TRAPPC10: variants seen among roughly 807,000 people sequenced by gnomAD.
TRAPPC10 encodes the protein trafficking protein particle complex subunit 10.
TRAPPC10 carries 23 observed loss-of-function variants against 125.5 expected under a neutral mutation model. That is an observed-to-expected ratio of 0.18 (90% CI 0.13 to 0.26). TRAPPC10 has a LOEUF of 0.26. TRAPPC10 is among the 10% of genes least tolerant of loss of function. The probability of loss-of-function intolerance (pLI) is 1.00; values close to 1 mark genes in which losing one functional copy is unlikely to be tolerated. For missense variants in TRAPPC10, 1,123 were observed against 1,308.4 expected, an observed-to-expected ratio of 0.86 and a Z score of 2.19; for synonymous variants, 509 against 518.0, an observed-to-expected ratio of 0.98 and a Z score of 0.24.
chr21:44,022,769 T>C (rs1248170543), intron 1 of TRAPPC10, among the ~76,000 whole-genome samples: 1 of 152,058 alleles, frequency 6.6e-6, no homozygotes, highest in African/African-American at 2.4e-5. Flanking sequence ...TCTCTTTTTT[T>C]TTCTTTATAA....
At chr21:44,041,662 A>G (rs1168272592) in intron 3 of TRAPPC10, among the ~76,000 whole-genome samples, 1 of 152,124 alleles carries the variant, frequency 6.6e-6, no homozygotes, top group Non-Finnish European at 1.5e-5. Flanking sequence ...GTGAGCCACC[A>G]CGCCCAGCTT....
rs1321319885 is a variant in TRAPPC10 at position 44,043,226 on chromosome 21, TTTTTTGGGATGGAGTC to T, written c.285+5302_285+5317del. Among the ~76,000 whole-genome samples the T allele has an allele frequency of 3.3e-4, 49 of 148,000 alleles. 1 individual carries two copies. Among genetic ancestry groups the T allele is most frequent in the African/African-American group, 1.2e-3 (46 of 39,848 alleles). The stretch of plus-strand genomic sequence containing the variant: ...TTATTACGCTTTTTTTTTTTTTTTT[TTTTTTGGGATGGAGTC>T]TTACCCTGTTGCCCAGGCTGGAGTG... On this transcript the variant is annotated intron_variant, in intron 3 of 22. Coordinates refer to ENST00000291574, the MANE Select transcript of TRAPPC10 (RefSeq NM_003274.5).
chr21:44,032,062 G>T (rs1343310252), intron 1 of TRAPPC10, 29 bp from the exon 2 acceptor site: 1 of 1,579,674 alleles, frequency 6.3e-7, no homozygotes, highest in Admixed American at 1.7e-5. Context: ...TAAAAATATG[G>T]TAACTGAATT....
At chr21:44,080,770 C>T (rs1300116581) in intron 13 of TRAPPC10, among the ~76,000 whole-genome samples, 1 of 151,972 alleles carries the variant, frequency 6.6e-6, no homozygotes, top group African/African-American at 2.4e-5. Context: ...GACTCCTGAC[C>T]TCAGGTGATC....
chr21:44,059,055 A>G lies in TRAPPC10; in HGVS notation c.679-48A>G, dbSNP rs747750067. 4 of 1,447,382 alleles carry G rather than the reference A, an allele frequency of 2.8e-6. No homozygotes were observed. The highest frequency in any genetic ancestry group is 2.6e-5 in the South Asian group (2 of 77,104). The allele number at this position is 1,447,382 out of a possible 1,614,324, so 89.7% of individuals were successfully genotyped here. On this transcript the variant is annotated intron_variant, in intron 5 of 22. Coordinates refer to ENST00000291574, the MANE Select transcript of TRAPPC10 (RefSeq NM_003274.5). The surrounding 1 kb of genome is among the most constrained non-coding windows in gnomAD (Gnocchi z 4.4). ...TGGCTACATACTGTTTCTTCTATAC[A>G]TTGATTTATGTTTTTGTTTTTTTAA... is the stretch of plus-strand genomic sequence containing the variant.
chr21:44,065,064 C>T (rs1478498107), intron 7 of TRAPPC10, among the ~76,000 whole-genome samples: 2 of 152,140 alleles, frequency 1.3e-5, no homozygotes, highest in African/African-American at 4.8e-5. Flanking sequence ...CTAGGGATTT[C>T]ACCTGATGTT....
At position 44,032,285 on chromosome 21, in the gene TRAPPC10, A is replaced by G. The variant is rs983142139; in HGVS notation, c.149+113A>G. On this transcript the variant is annotated intron_variant, in intron 2 of 22. Coordinates refer to ENST00000291574, the MANE Select transcript of TRAPPC10 (RefSeq NM_003274.5). ...CATTTATGTGAACAAGTGAAGTAGC[A>G]CAAGTTAAAAGCCTCAGTTCTAAAG... is the stretch of plus-strand genomic sequence containing the variant. 6 of 804,892 alleles carry G rather than the reference A, an allele frequency of 7.5e-6. 1 individual carries two copies. The highest frequency in any genetic ancestry group is 5.4e-5 in the South Asian group (3 of 55,084). 49.9% of individuals were successfully genotyped at this position (804,892 alleles called of 1,614,324 possible). A position where few individuals can be genotyped will look rare whatever the true frequency, so the allele number is the denominator to read the frequency against.
At chr21:44,014,719 C>T (rs1453911676) in intron 1 of TRAPPC10, among the ~76,000 whole-genome samples, 1 of 151,982 alleles carries the variant, frequency 6.6e-6, no homozygotes, top group Admixed American at 6.6e-5. Flanking sequence ...TGAGCCCCCA[C>T]CCTTGGCCTC....
chr21:44,047,591 A>G lies in TRAPPC10; in HGVS notation c.286-4689A>G, dbSNP rs987917194. 2.3e-4 allele frequency among the ~76,000 whole-genome samples: 33 copies of G among 141,134 alleles called. 1 individual carries two copies. Among genetic ancestry groups the G allele is most frequent in the Admixed American group, 1.9e-3 (27 of 14,034 alleles). The allele number at this position is 141,134 out of a possible 152,430, so 92.6% of individuals were successfully genotyped here. ...GCGCGCACACGCTACATGAAGTTCC[A>G]TAACTCACTGATAATCTGTTGATAT... On this transcript the variant is annotated intron_variant, in intron 3 of 22. Transcript: ENST00000291574.
At chr21:44,035,566 A>G (rs55956418) in intron 2 of TRAPPC10, among the ~76,000 whole-genome samples, 11,247 of 152,102 alleles carry the variant, frequency 0.074, 530 homozygotes, top group Non-Finnish European at 0.1. Context: ...AGGCGGGTAG[A>G]TTGGAGTTTA....
chr21:44,055,780 T>G lies in TRAPPC10; in HGVS notation c.565T>G (p.Leu189Val). The G allele has an allele frequency of 6.2e-7, 1 of 1,613,980 alleles. No homozygotes were observed. The highest frequency in any genetic ancestry group is 8.5e-7 in the Non-Finnish European group (1 of 1,179,896). ...TGCCTTCCTGACCAAACTCAGGACA[T>G]TGCTTCTTATGTCTTTTACCAAAAA... ...WNAFLTKLRT[L>V]LLMSFTKNLG... The change falls in exon 5 of 23, where the codon TTG becomes GTG. Residue 189 changes from leucine (L) to valine (V), a missense_variant. Around this residue, in one of 4 missense-constraint regions of TRAPPC10, gnomAD observed 177 missense variants for 228.9 expected, o/e 0.77. Transcript: ENST00000291574.
At chr21:44,056,091 A>G (rs918044283) in intron 5 of TRAPPC10, among the ~76,000 whole-genome samples, 198 bp downstream of exon 5, 1 of 152,164 alleles carries the variant, frequency 6.6e-6, no homozygotes, top group Admixed American at 6.5e-5. Flanking sequence ...AAAAGGACAC[A>G]CACACTGCCC....
At chr21:44,031,733 G>A (rs958548384) in intron 1 of TRAPPC10, among the ~76,000 whole-genome samples, 7 of 152,180 alleles carry the variant, frequency 4.6e-5, no homozygotes, top group Admixed American at 2.0e-4. Context: ...GATTTTGGGC[G>A]TCTGGGAGAA....
In TRAPPC10 at chr21:44,077,464, A is replaced by T. The variant is rs570998250; in HGVS notation, c.1378-229A>T. Among the ~76,000 whole-genome samples, 5 of 152,304 alleles carry T rather than the reference A, an allele frequency of 3.3e-5. No individual in the cohort carries two copies. The East Asian group carries it at 9.7e-4, about 29-fold the overall frequency. ...ATTAGCCGGGCCTGGTGGCGCCTGT[A>T]GTCCCAGCTACTTGGGAAGCTGAGG... On this transcript the variant is annotated intron_variant, in intron 10 of 22. Coordinates refer to ENST00000291574, the MANE Select transcript of TRAPPC10 (RefSeq NM_003274.5).
chr21:44,044,660 CTTTTTTT>C (rs34356064), intron 3 of TRAPPC10, among the ~76,000 whole-genome samples: 3 of 86,334 alleles, frequency 3.5e-5, no homozygotes, highest in African/African-American at 1.7e-4. Flanking sequence ...AAAATCATGT[CTTTTTTT>C]TTTTTTTTTT....
chr21:44,092,093 C>G, intron 19 of TRAPPC10, 44 bp downstream of exon 19: 1 of 1,607,268 alleles, frequency 6.2e-7, no homozygotes, highest in African/African-American at 1.3e-5. Flanking sequence ...CAACAGAGAA[C>G]CAGAGTGTAC....
intron 18 of TRAPPC10, 133 bp from the exon 19 acceptor site, chr21:44,091,790 T>A: frequency 1.2e-6 from 1 of 864,948 alleles, no homozygotes; most frequent in Non-Finnish European, 1.7e-6. Context: ...GGGAAACTTA[T>A]GCAACAACTT....
intron 3 of TRAPPC10, among the ~76,000 whole-genome samples, chr21:44,044,809 G>A (rs1031370114): frequency 6.6e-6 from 1 of 151,738 alleles, no homozygotes; most frequent in Non-Finnish European, 1.5e-5. Context: ...GATTACAGGC[G>A]TCTGCCACCA....
At chr21:44,073,846 C>G (rs912882622) in intron 7 of TRAPPC10, among the ~76,000 whole-genome samples, 2 of 152,080 alleles carry the variant, frequency 1.3e-5, no homozygotes, top group African/African-American at 4.8e-5. Flanking sequence ...TGCTGTTGAA[C>G]GTGATCTTTC....
Sources: allele counts gnomAD v4.1 joint callset (sites outside exome capture counted in the v4.1 genomes callset), GRCh38; gene constraint gnomAD v4.1.1; regional missense constraint gnomAD v4.1.1; non-coding constraint Gnocchi (gnomAD v3.1); transcripts MANE v1.5; gene names NCBI Gene and HGNC (gene_info 2026-07-23, HGNC 2026-07-21).